The following CREB5 variants were observed in gnomAD, a reference collection of about 807,000 sequenced individuals.
The protein encoded by CREB5 is cAMP responsive element binding protein 5, also known as cyclic AMP-responsive element-binding protein 5.
A neutral mutation model predicts 57.1 loss-of-function variants in CREB5; 19 were observed. The observed-to-expected ratio is 0.33, with a 90% CI of 0.23 to 0.49. The LOEUF (loss-of-function observed/expected upper bound fraction) is 0.49. Among genes scored for constraint, CREB5 ranks in the 20% least tolerant of loss-of-function variants. CREB5 has a pLI of 0.99. For missense variants in CREB5, 579 were observed against 671.6 expected, an observed-to-expected ratio of 0.86 and a Z score of 1.52; for synonymous variants, 238 against 238.3, an observed-to-expected ratio of 1.00 and a Z score of 0.01.
intron 1 of CREB5, among the ~76,000 whole-genome samples, chr7:28,380,732 C>T (rs1159410071): frequency 1.3e-5 from 2 of 152,156 alleles, no homozygotes; most frequent in Non-Finnish European, 2.9e-5. Context: ...AGGAAGCTGT[C>T]ACCATTTTTG....
At chr7:28,700,424 T>A (rs913415701) in intron 5 of CREB5, among the ~76,000 whole-genome samples, 1 of 152,222 alleles carries the variant, frequency 6.6e-6, no homozygotes, top group African/African-American at 2.4e-5. Context: ...AAATGATGAA[T>A]TCCTGCAGGG....
rs371869045 is a variant in CREB5 at position 28,489,472 on chromosome 7, T to G, written c.75+1226T>G. ...CCGCCACCACGCCCGGGTAATTTTTTGTGTATTTTTAGTAGAGACGGGGTT... is the reference window on the plus strand; with the variant it reads ...CCGCCACCACGCCCGGGTAATTTTTGGTGTATTTTTAGTAGAGACGGGGTT... On this transcript the variant is annotated intron_variant, in intron 2 of 10. Transcript: ENST00000357727. Among the ~76,000 whole-genome samples, 39 of 151,960 alleles carry G rather than the reference T, an allele frequency of 2.6e-4. No individual in the cohort carries two copies. The South Asian group carries it at 7.9e-3, about 31-fold the overall frequency.
intron 1 of CREB5, among the ~76,000 whole-genome samples, chr7:28,313,890 C>A (rs1785326743): frequency 6.6e-6 from 1 of 152,086 alleles, no homozygotes; most frequent in Admixed American, 6.6e-5. Flanking sequence ...TTCTAGCATA[C>A]CATACAATGA....
At chr7:28,560,859 C>CGCGT (rs1795110648) in intron 4 of CREB5, among the ~76,000 whole-genome samples, 3 of 32,676 alleles carry the variant, frequency 9.2e-5, no homozygotes, top group Non-Finnish European at 1.3e-4. Context: ...TGTGTGTGTG[C>CGCGT]GTGTGCCTGC....
chr7:28,399,126 T>C (rs1787394888), intron 1 of CREB5, among the ~76,000 whole-genome samples: 1 of 152,150 alleles, frequency 6.6e-6, no homozygotes, highest in Non-Finnish European at 1.5e-5. Flanking sequence ...CCAGGTAAGA[T>C]GTAACAGAGA....
At chr7:28,407,047 T>C (rs1029143732) in intron 1 of CREB5, among the ~76,000 whole-genome samples, 8 of 150,636 alleles carry the variant, frequency 5.3e-5, no homozygotes, top group African/African-American at 1.7e-4. Flanking sequence ...TTTTTTTTCT[T>C]TTTTCCTTTT....
In CREB5 at chr7:28,819,306, G is replaced by C. The variant is rs779856888; in HGVS notation, c.*27G>C. The C allele has an allele frequency of 1.5e-5, 24 of 1,607,952 alleles. No individual in the cohort carries two copies. Among genetic ancestry groups the C allele is most frequent in the Non-Finnish European group, 2.0e-5 (24 of 1,176,982 alleles). Reference sequence around the variant, plus strand: ...ATGCACCATCAGACCTGGCCTCCAAGAAGAGCTGTAGCGTACCATGCGTCC... The same window carrying C: ...ATGCACCATCAGACCTGGCCTCCAACAAGAGCTGTAGCGTACCATGCGTCC... On this transcript the variant is annotated 3_prime_UTR_variant, in exon 11 of 11. Transcript: ENST00000357727.
At chr7:28,406,892 G>A (rs1443508533) in intron 1 of CREB5, among the ~76,000 whole-genome samples, 1 of 147,424 alleles carries the variant, frequency 6.8e-6, no homozygotes, top group African/African-American at 2.5e-5. Flanking sequence ...ATGGGGTAAA[G>A]GTTCCCTTTT....
intron 1 of CREB5, among the ~76,000 whole-genome samples, chr7:28,353,856 TGAGA>T (rs1786287546): frequency 1.0e-5 from 1 of 99,126 alleles, no homozygotes; most frequent in African/African-American, 3.6e-5. Flanking sequence ...AAAAAAAAAA[TGAGA>T]GAATGGGGTG....
chr7:28,321,275 C>A (rs1186103861), intron 1 of CREB5, among the ~76,000 whole-genome samples: 5 of 152,062 alleles, frequency 3.3e-5, no homozygotes, highest in African/African-American at 1.2e-4. Context: ...CTTTCTGTCT[C>A]TTTTCCTCTT....
intron 1 of CREB5, among the ~76,000 whole-genome samples, chr7:28,309,420 T>A (rs1281962207): frequency 6.6e-6 from 1 of 152,192 alleles, no homozygotes; most frequent in East Asian, 1.9e-4. Flanking sequence ...GCCAGTGGAT[T>A]TGCCTGGCTT....
At chr7:28,628,394 C>T (rs1328303797) in intron 5 of CREB5, among the ~76,000 whole-genome samples, 2 of 152,140 alleles carry the variant, frequency 1.3e-5, no homozygotes, top group African/African-American at 2.4e-5. Flanking sequence ...TCTTCTAGTT[C>T]TGATTTGCCC....
intron 5 of CREB5, among the ~76,000 whole-genome samples, chr7:28,616,465 C>CT (rs374322860): frequency 3.0e-4 from 44 of 148,042 alleles, no homozygotes; most frequent in East Asian, 7.9e-4. Context: ...AGAGAGATGC[C>CT]TTTTTTTTTT....
chr7:28,602,217 C>T (rs1372596786), intron 5 of CREB5, among the ~76,000 whole-genome samples: 4 of 152,116 alleles, frequency 2.6e-5, no homozygotes, highest in Non-Finnish European at 5.9e-5. Context: ...ACCTCTGCCT[C>T]TTGCTTTCAA....
intron 5 of CREB5, among the ~76,000 whole-genome samples, chr7:28,601,799 C>G (rs527242261): frequency 2.3e-4 from 35 of 152,204 alleles, no homozygotes; most frequent in African/African-American, 8.4e-4. Flanking sequence ...TTCAGTTCTT[C>G]TATCTGGAAA....
chr7:28,736,824 CTT>C (rs35313065), intron 7 of CREB5, among the ~76,000 whole-genome samples: 183 of 134,808 alleles, frequency 1.4e-3, no homozygotes, highest in Middle Eastern at 7.8e-3. Context: ...CTCTCTCTCT[CTT>C]TTTTTTTTTT....
chr7:28,655,752 G>A (rs180785384), intron 5 of CREB5, among the ~76,000 whole-genome samples: 1 of 152,280 alleles, frequency 6.6e-6, no homozygotes, highest in African/African-American at 2.4e-5. Context: ...GTTTCTGTTA[G>A]TCGTGTTATG....
intron 5 of CREB5, among the ~76,000 whole-genome samples, chr7:28,621,535 C>G (rs148191193): frequency 6.6e-6 from 1 of 152,172 alleles, no homozygotes; most frequent in East Asian, 1.9e-4. Flanking sequence ...TGGCCACATG[C>G]GCTGTGGTTT....
intron 1 of CREB5, among the ~76,000 whole-genome samples, chr7:28,376,328 G>T (rs1474291733): frequency 6.6e-6 from 1 of 150,418 alleles, no homozygotes; most frequent in African/African-American, 2.5e-5. Context: ...CAGTGCAGTG[G>T]TGCGATCTCA....
Sources: allele counts gnomAD v4.1 joint callset (sites outside exome capture counted in the v4.1 genomes callset), GRCh38; gene constraint gnomAD v4.1.1; transcripts MANE v1.5; gene names NCBI Gene and HGNC (gene_info 2026-07-23, HGNC 2026-07-21).